KLHL13: variants seen among roughly 807,000 people sequenced by gnomAD.
KLHL13 encodes the protein kelch-like protein 13.
Under a neutral mutation model 37.1 loss-of-function variants are expected in KLHL13, and 10 were observed. The ratio of observed to expected loss-of-function variants is 0.27; its 90% CI spans 0.17 to 0.46. KLHL13 has a LOEUF of 0.46. Among genes scored for constraint, KLHL13 ranks in the 20% least tolerant of loss-of-function variants. The pLI is 1.00. For synonymous variants in KLHL13, 163 were observed against 181.2 expected, an observed-to-expected ratio of 0.90 and a Z score of 0.81; for missense variants, 360 against 509.3, an observed-to-expected ratio of 0.71 and a Z score of 2.82.
chrX:118,020,018 A>C (rs1294222391), intron 1 of KLHL13, among the ~76,000 whole-genome samples: 4 of 110,046 alleles, frequency 3.6e-5, no homozygotes, highest in African/African-American at 3.3e-5. Context: ...AGTTTTTTCC[A>C]ATTCTGTGAA....
intron 1 of KLHL13, among the ~76,000 whole-genome samples, chrX:118,114,861 G>A (rs563842200): frequency 8.9e-6 from 1 of 112,278 alleles, no homozygotes; most frequent in Admixed American, 9.4e-5. Context: ...TGAAAACCTT[G>A]GGCTTTTTAA....
chrX:117,903,679 T>C (rs1215765726), intron 5 of KLHL13, among the ~76,000 whole-genome samples: 1 of 111,015 alleles, frequency 9.0e-6, no homozygotes, highest in Non-Finnish European at 1.9e-5. Flanking sequence ...AGTGCATTGA[T>C]TGGTACTTGG....
intron 1 of KLHL13, among the ~76,000 whole-genome samples, chrX:118,023,419 A>T (rs1329575678): frequency 9.0e-6 from 1 of 111,099 alleles, no homozygotes; most frequent in East Asian, 2.8e-4. Flanking sequence ...TCTATTCTTA[A>T]AAGGAGCATG....
chrX:118,073,073 T>C (rs1306018582), intron 1 of KLHL13, among the ~76,000 whole-genome samples: 4 of 107,603 alleles, frequency 3.7e-5, no homozygotes, highest in African/African-American at 1.4e-4. Flanking sequence ...TCACCTGGGT[T>C]ACAGAGTGAG....
At chrX:117,902,636 T>C (rs916761535) in intron 5 of KLHL13, among the ~76,000 whole-genome samples, 1 of 111,635 alleles carries the variant, frequency 9.0e-6, no homozygotes, top group Non-Finnish European at 1.9e-5. Flanking sequence ...TAATGTATTT[T>C]GGAGAAGTGA....
chrX:118,036,929 C>T (rs1488980705), intron 1 of KLHL13, among the ~76,000 whole-genome samples: 3 of 96,405 alleles, frequency 3.1e-5, no homozygotes, highest in East Asian at 6.6e-4. Context: ...AAAAAGTGGG[C>T]AAAGGACATG....
At chrX:118,034,210 G>A (rs951578970) in intron 1 of KLHL13, among the ~76,000 whole-genome samples, 4 of 105,420 alleles carry the variant, frequency 3.8e-5, no homozygotes, top group Admixed American at 2.0e-4. Context: ...AGGATATCCA[G>A]GAATTGAACT....
chrX:117,987,209 TG>T (rs2053737742), intron 1 of KLHL13, among the ~76,000 whole-genome samples: 1 of 110,876 alleles, frequency 9.0e-6, no homozygotes, highest in African/African-American at 3.3e-5. Flanking sequence ...GAGCTGTAAG[TG>T]GAGAGAAATT....
chrX:117,994,378 T>C (rs1157526518), intron 1 of KLHL13, among the ~76,000 whole-genome samples: 1 of 110,541 alleles, frequency 9.0e-6, no homozygotes, highest in Non-Finnish European at 1.9e-5. Flanking sequence ...CTTAGTCTTC[T>C]GAGTAGCTGA....
intron 1 of KLHL13, among the ~76,000 whole-genome samples, chrX:118,032,917 C>A (rs911586009): frequency 9.0e-6 from 1 of 111,574 alleles, no homozygotes; most frequent in African/African-American, 3.3e-5. Context: ...GAGCTGAAAA[C>A]CAAGGCTTGA....
Position 118,033,550 on chromosome X carries a change from T to C in KLHL13, c.-56+82958A>G, listed in dbSNP as rs370328255. ...CAGACAAGCAAATGCTGAGAGATTT[T>C]GTCACCACCAGGCCTGCCCTAAAAC... On this transcript the variant is annotated intron_variant, in intron 1 of 6. Transcript: ENST00000371882. 3.5e-4 allele frequency among the ~76,000 whole-genome samples: 39 copies of C among 110,519 alleles called. No individual in the cohort carries two copies. In the East Asian group the frequency reaches 9.9e-3, roughly 28 times the overall value.
intron 1 of KLHL13, among the ~76,000 whole-genome samples, chrX:118,093,718 C>G (rs897854967): frequency 1.1e-4 from 12 of 111,381 alleles, no homozygotes; most frequent in African/African-American, 3.9e-4. Context: ...AACAGCATTA[C>G]CTTCCTGAAA....
intron 1 of KLHL13, among the ~76,000 whole-genome samples, chrX:118,073,040 A>T (rs1355710371): frequency 1.8e-5 from 2 of 108,805 alleles, no homozygotes; most frequent in Non-Finnish European, 3.8e-5. Context: ...GCTTCAGCGA[A>T]CCAAGACTGT....
At chrX:118,031,503 A>G (rs2054341710) in intron 1 of KLHL13, among the ~76,000 whole-genome samples, 1 of 93,698 alleles carries the variant, frequency 1.1e-5, no homozygotes, top group East Asian at 3.1e-4. Flanking sequence ...TTAGATATAT[A>G]TATATACACA....
chrX:117,982,106 CAT>C (rs1221649595), intron 1 of KLHL13, among the ~76,000 whole-genome samples: 2 of 109,088 alleles, frequency 1.8e-5, no homozygotes, highest in East Asian at 5.7e-4. Context: ...CAAAAGAACA[CAT>C]GTTCCCTGGC....
chrX:118,031,011 A>T (rs2054332224), intron 1 of KLHL13, among the ~76,000 whole-genome samples: 1 of 111,515 alleles, frequency 9.0e-6, no homozygotes, highest in African/African-American at 3.3e-5. Flanking sequence ...CAGAAAATAA[A>T]CTATTTGGTC....
At position 118,062,626 on chromosome X, in the gene KLHL13, G is replaced by A. The variant is rs1214356234; in HGVS notation, c.-56+53882C>T. 2.7e-5 allele frequency among the ~76,000 whole-genome samples: 3 copies of A among 109,923 alleles called. 1 individual carries two copies. The highest frequency in any genetic ancestry group is 9.9e-5 in the African/African-American group (3 of 30,405). On this transcript the variant is annotated intron_variant, in intron 1 of 6. Coordinates refer to the KLHL13 transcript ENST00000371882. ...AGTTGGGCCCTCACAGTCATATCCT[G>A]AAATACGTACAGTTTCACTATAAAT...
chrX:118,018,349 GC>G (rs1484516963), intron 1 of KLHL13, among the ~76,000 whole-genome samples: 5 of 111,572 alleles, frequency 4.5e-5, no homozygotes, highest in Non-Finnish European at 9.4e-5. Context: ...TTTTCATCAT[GC>G]TTTTGCACGT....
At chrX:118,058,611 T>C (rs967446230) in intron 1 of KLHL13, among the ~76,000 whole-genome samples, 1 of 112,160 alleles carries the variant, frequency 8.9e-6, no homozygotes, top group Non-Finnish European at 1.9e-5. Context: ...TCACCCAAAA[T>C]ATTTGTTGAC....
Sources: gnomAD v4.1 joint callset for allele counts (sites outside exome capture counted in the v4.1 genomes callset) on GRCh38, gnomAD v4.1.1 for gene constraint, MANE v1.5 for transcripts, NCBI Gene and HGNC (gene_info 2026-07-23, HGNC 2026-07-21) for gene names.